Variants in ACSS1 observed in about 807,000 individuals in gnomAD.
The protein encoded by ACSS1 is acetyl-coenzyme A synthetase 2-like, mitochondrial.
Under a neutral mutation model 75.3 loss-of-function variants are expected in ACSS1, and 42 were observed. The ratio of observed to expected loss-of-function variants is 0.56; its 90% CI spans 0.44 to 0.72. The LOEUF (loss-of-function observed/expected upper bound fraction) is 0.72. ACSS1 is among the 30% of genes least tolerant of loss of function. The pLI, the probability that ACSS1 is intolerant of heterozygous loss-of-function variation, is 0.00. For synonymous variants in ACSS1, 380 were observed against 376.8 expected, an observed-to-expected ratio of 1.01 and a Z score of -0.10; for missense variants, 782 against 935.7, an observed-to-expected ratio of 0.84 and a Z score of 2.14.
At chr20:25,035,185 G>A (rs955861611) in intron 2 of ACSS1, among the ~76,000 whole-genome samples, 12 of 151,302 alleles carry the variant, frequency 7.9e-5, no homozygotes, top group Non-Finnish European at 1.3e-4. Flanking sequence ...GTGAGCCACC[G>A]CACCCGGCCG....
Position 25,030,789 on chromosome 20 carries a change from C to T in ACSS1, c.601G>A (p.Ala201Thr), listed in dbSNP as rs769941426. 1.9e-6 allele frequency: 3 copies of T among 1,614,254 alleles called. No individual in the cohort carries two copies. Among genetic ancestry groups the T allele is most frequent in the Non-Finnish European group, 2.5e-6 (3 of 1,180,046 alleles). Residue 201 changes from alanine (A) to threonine (T), a missense_variant, in exon 3 of 14, where the codon GCA becomes ACA. Transcript: ENST00000323482. The stretch of plus-strand genomic sequence containing the variant: ...TTGATCCTCCCAGCCAAGGACTCTG[C>T]ACTGAAGCCAGCAAAGATGACTGTG... The part of the protein sequence containing the change: ...VHTVIFAGFS[A>T]ESLAGRINDA...
intron 2 of ACSS1, chr20:25,031,183 G>A (rs2088817978): frequency 3.1e-6 from 2 of 641,858 alleles, no homozygotes; most frequent in Non-Finnish European, 5.6e-6. Context: ...ACATTGCTAG[G>A]GTGACAAGGC....
At chr20:25,013,792 C>T in intron 9 of ACSS1, 130 bp from the exon 10 acceptor site, 1 of 1,385,966 alleles carries the variant, frequency 7.2e-7, no homozygotes, top group South Asian at 1.4e-5. Flanking sequence ...GGCCCCAAGC[C>T]ACCTGTGTGG....
rs1191375292 is a variant in ACSS1 at position 25,014,018 on chromosome 20, G to A, written c.1395C>T (p.Leu465=). ...AGAAGGGCCTCATCGCCATGGCAGG[G>A]AGGATTTCCGCCCCTTCTTCCGAGG... ...PRPSEEGAEI[L]PAMAMRPFFG... Residue 465 remains leucine (L), a synonymous_variant, in exon 9 of 14, where the codon CTC becomes CTT. Coordinates refer to ENST00000323482, the MANE Select transcript of ACSS1 (RefSeq NM_032501.4). The A allele has an allele frequency of 1.2e-6, 2 of 1,613,810 alleles. No individual in the cohort carries two copies. The highest frequency in any genetic ancestry group is 1.7e-5 in the Admixed American group (1 of 60,004).
At chr20:25,016,378 T>C (rs1160862454) in intron 7 of ACSS1, among the ~76,000 whole-genome samples, 1 of 152,228 alleles carries the variant, frequency 6.6e-6, no homozygotes, top group East Asian at 1.9e-4. Context: ...TACCCTTTAG[T>C]ACACATTATA....
intron 7 of ACSS1, among the ~76,000 whole-genome samples, chr20:25,019,494 A>C (rs1487876413): frequency 6.6e-6 from 1 of 152,218 alleles, no homozygotes; most frequent in African/African-American, 2.4e-5. Context: ...ACTATGGGGC[A>C]GTGTTTAGCA....
chr20:25,021,624 C>A (rs950743835), intron 5 of ACSS1, 88 bp from the exon 6 acceptor site: 61 of 1,530,050 alleles, frequency 4.0e-5, no homozygotes, highest in Non-Finnish European at 5.3e-5. Flanking sequence ...CATGCATAGG[C>A]TGCAGTCCAT....
At chr20:25,049,199 C>A (rs1281677341) in intron 1 of ACSS1, among the ~76,000 whole-genome samples, 3 of 151,998 alleles carry the variant, frequency 2.0e-5, no homozygotes, top group Non-Finnish European at 4.4e-5. Context: ...AAGACATGCC[C>A]AAAAAATAGA....
At chr20:25,053,377 T>G (rs2089203457) in intron 1 of ACSS1, among the ~76,000 whole-genome samples, 1 of 152,048 alleles carries the variant, frequency 6.6e-6, no homozygotes, top group South Asian at 2.1e-4. Context: ...CAATGGACTT[T>G]CTTTTAATAG....
chr20:25,023,634 G>A lies in ACSS1; in HGVS notation c.639C>T (p.Cys213=). ...SLAGRINDAK[C]KVVITFNQGL... is the part of the protein sequence containing the mutation. ...CTTGGTTGAAGGTGATAACCACCTT[G>A]CACTTGGCTAACAGAGACAACACAG... The change falls in exon 4 of 14, where the codon TGC becomes TGT. Residue 213 remains cysteine, a synonymous_variant. Transcript: ENST00000323482. 1 of 1,603,184 alleles carries A rather than the reference G, an allele frequency of 6.2e-7. No homozygotes were observed. Among genetic ancestry groups the A allele is most frequent in the Non-Finnish European group, 8.5e-7 (1 of 1,174,262 alleles).
rs377590334 is a variant in ACSS1 at position 25,007,809 on chromosome 20, G to A, written c.2023C>T (p.Leu675=). Residue 675 remains leucine, a synonymous_variant, in exon 14 of 14, where the codon CTG becomes TTG. Coordinates refer to ENST00000323482, the MANE Select transcript of ACSS1 (RefSeq NM_032501.4). ...LEDPSIIAEI[L]SVYQKCKDKQ... ...TCCTTGCACTTCTGGTAGACACTCA[G>A]GATCTCTGCGATGATGCTGGGGTCC... 144 of 1,614,064 alleles carry A rather than the reference G, an allele frequency of 8.9e-5. No homozygotes were observed. Among genetic ancestry groups the A allele is most frequent in the Non-Finnish European group, 1.1e-4 (125 of 1,180,020 alleles).
At position 25,030,873 on chromosome 20, in the gene ACSS1, G is replaced by A. The variant is rs373847417; in HGVS notation, c.517C>T (p.Pro173Ser). 1.9e-6 allele frequency: 3 copies of A among 1,614,104 alleles called. No individual in the cohort carries two copies. The African/African-American group carries it at 4.0e-5, about 22-fold the overall frequency. ...GCTGCCACAGCCAATGGGGACACGG[G>A]CATGTAGATGGCAACACGGTCCCCA... ...HRGDRVAIYM[P>S]VSPLAVAAML... The change falls in exon 3 of 14, where the codon CCC becomes TCC. Residue 173 changes from proline (P) to serine (S), a missense_variant. This residue lies in a region of ACSS1 where 377 missense variants were observed against 383.1 expected (regional missense o/e 0.98). Coordinates refer to ENST00000323482, the MANE Select transcript of ACSS1 (RefSeq NM_032501.4).
rs2088806719 is a variant in ACSS1 at position 25,030,702 on chromosome 20, C to T, written c.631+57G>A. On this transcript the variant is annotated intron_variant, in intron 3 of 13. Coordinates refer to ENST00000323482, the MANE Select transcript of ACSS1 (RefSeq NM_032501.4). ...GTCTCTACACTGATGGCCAGGCCCCCAGGAACAAGGATCAGGGAACTCCAG... is the reference window on the plus strand; with the variant it reads ...GTCTCTACACTGATGGCCAGGCCCCTAGGAACAAGGATCAGGGAACTCCAG... 76 of 1,593,910 alleles carry T rather than the reference C, an allele frequency of 4.8e-5. 2 individuals are homozygous for T. The South Asian group carries it at 5.4e-4, about 11-fold the overall frequency.
chr20:25,051,547 G>A (rs997085497), intron 1 of ACSS1, among the ~76,000 whole-genome samples: 70 of 152,332 alleles, frequency 4.6e-4, no homozygotes, highest in African/African-American at 1.5e-3. Context: ...CCCCGTCCCC[G>A]TTCTGGGCAT....
At chr20:25,042,400 G>A (rs1015907060) in intron 2 of ACSS1, among the ~76,000 whole-genome samples, 44 of 152,126 alleles carry the variant, frequency 2.9e-4, no homozygotes, top group Middle Eastern at 3.4e-3. Flanking sequence ...GAGGCTGCCC[G>A]GGCACCCTCC....
intron 2 of ACSS1, among the ~76,000 whole-genome samples, chr20:25,040,424 A>G (rs1035357956): frequency 1.3e-5 from 2 of 152,238 alleles, no homozygotes; most frequent in African/African-American, 4.8e-5. Flanking sequence ...TCACAGACAC[A>G]GCCACACAGG....
In ACSS1 at chr20:25,057,648, G is replaced by A. The variant is rs1049473577; in HGVS notation, c.334+121C>T. On this transcript the variant is annotated intron_variant, in intron 1 of 13. Transcript: ENST00000323482. ...GGGCGGGGCGGACGGAATACCGGAG[G>A]AGGGGCCCCTGCAGGGCTGCGATCC... 2.5e-5 allele frequency: 23 copies of A among 917,880 alleles called. No homozygotes were observed. The East Asian group carries it at 6.2e-4, about 25-fold the overall frequency. 56.9% of individuals were successfully genotyped at this position (917,880 alleles called of 1,614,324 possible).
intron 6 of ACSS1, among the ~76,000 whole-genome samples, chr20:25,020,662 G>C (rs999309770): frequency 1.3e-5 from 2 of 152,236 alleles, no homozygotes; most frequent in African/African-American, 4.8e-5. Flanking sequence ...GGGCTGAAGT[G>C]GTGGCCTGAG....
intron 2 of ACSS1, among the ~76,000 whole-genome samples, chr20:25,042,013 C>T (rs1048768437): frequency 6.6e-6 from 1 of 152,152 alleles, no homozygotes; most frequent in Non-Finnish European, 1.5e-5. Flanking sequence ...GGTGTCAGCC[C>T]AGTCAGGTTC....
Sources: allele counts gnomAD v4.1 joint callset (sites outside exome capture counted in the v4.1 genomes callset), GRCh38; gene constraint gnomAD v4.1.1; regional missense constraint gnomAD v4.1.1; transcripts MANE v1.5; gene names NCBI Gene and HGNC (gene_info 2026-07-23, HGNC 2026-07-21).